Variants in DLEC1 observed in about 807,000 individuals in gnomAD.
The protein encoded by DLEC1 is deleted in lung and esophageal cancer protein 1.
A neutral mutation model predicts 198.1 loss-of-function variants in DLEC1; 146 were observed. The observed-to-expected ratio is 0.74, with a 90% CI of 0.64 to 0.85. The LOEUF is 0.85. Ranked by LOEUF, DLEC1 falls within the 40% of genes least tolerant of loss-of-function variation. The pLI is 0.00. For missense variants in DLEC1, 2,233 were observed against 2,220.0 expected (o/e 1.01, Z -0.12); for synonymous variants, 897 against 866.8 (o/e 1.03, Z -0.61).
rs1054728829 is a variant in DLEC1, at chr3:38,121,839, A to T, written c.5020+58A>T. On this transcript the variant is annotated intron_variant, in intron 35 of 36. Transcript: ENST00000308059. ...CCCTACAGGGCTGTGCCAAGAGAAG[A>T]CCCCCCAGGAAGGGGCCCCTGTGCG... The T allele has an allele frequency of 5.7e-6, 9 of 1,582,050 alleles. No individual in the cohort carries two copies. The Admixed American group carries it at 1.4e-4, about 25-fold the overall frequency.
intron 2 of DLEC1, among the ~76,000 whole-genome samples, chr3:38,051,123 A>G (rs1701095889): frequency 6.6e-6 from 1 of 151,382 alleles, no homozygotes; most frequent in South Asian, 2.1e-4. Flanking sequence ...CTGGTCTTGA[A>G]CTCCTGGGCT....
chr3:38,121,898 C>G (rs1212136858), intron 35 of DLEC1, 117 bp downstream of exon 35: 2 of 1,514,770 alleles, frequency 1.3e-6, no homozygotes, highest in Non-Finnish European at 8.9e-7. Flanking sequence ...GGGCAGGCAC[C>G]ACTTGGAATT....
chr3:38,108,276 G>A (rs1699673569), intron 20 of DLEC1, 129 bp from the exon 21 acceptor site: 1 of 721,658 alleles, frequency 1.4e-6, no homozygotes, highest in Admixed American at 2.2e-5. Context: ...ACCCAGCCCT[G>A]TCGGTTTTGC....
intron 6 of DLEC1, among the ~76,000 whole-genome samples, chr3:38,082,416 T>A (rs1698094433): frequency 1.3e-5 from 2 of 151,490 alleles, no homozygotes; most frequent in South Asian, 2.1e-4. Flanking sequence ...GAGGCTGCAA[T>A]CTCGGCACTT....
chr3:38,115,149 C>T (rs1429534394), intron 27 of DLEC1, 96 bp downstream of exon 27: 9 of 1,386,222 alleles, frequency 6.5e-6, no homozygotes, highest in African/African-American at 5.7e-5. Context: ...GCCGATGGCC[C>T]ATGAACAGGA....
At chr3:38,087,207 C>G (rs376116227) in intron 9 of DLEC1, among the ~76,000 whole-genome samples, 3 of 152,210 alleles carry the variant, frequency 2.0e-5, no homozygotes, top group African/African-American at 7.2e-5. Flanking sequence ...GCCCTGTGTA[C>G]CTTGTCCTGA....
intron 5 of DLEC1, 139 bp from the exon 6 acceptor site, chr3:38,063,702 A>C: frequency 1.6e-6 from 1 of 606,994 alleles, no homozygotes; most frequent in Non-Finnish European, 2.9e-6. Context: ...AAGATCCAAA[A>C]ACCCCCCAAC....
At chr3:38,084,475 TGGTGGTAGTA>T (rs1698289462) in intron 7 of DLEC1, among the ~76,000 whole-genome samples, 1 of 151,634 alleles carries the variant, frequency 6.6e-6, no homozygotes. Context: ...GTAGTGGTGG[TGGTGGTAGTA>T]GTGGTGGTAG....
Position 38,093,872 on chromosome 3 carries a change from G to A in DLEC1, c.1919+105G>A. 1.5e-5 allele frequency: 21 copies of A among 1,442,752 alleles called. No homozygotes were observed. The South Asian group carries it at 2.5e-4, about 17-fold the overall frequency. 89.4% of individuals were successfully genotyped at this position (1,442,752 alleles called of 1,614,324 possible). On this transcript the variant is annotated intron_variant, in intron 12 of 36. Coordinates refer to ENST00000308059, the MANE Select transcript of DLEC1 (RefSeq NM_007335.4). ...TCCTTCCAAGGGCCTGGGGAAGACT[G>A]GGCACAGAATGGATATCCAAATTCA... is the stretch of plus-strand genomic sequence containing the variant.
chr3:38,063,477 G>A (rs1410118957), intron 5 of DLEC1, among the ~76,000 whole-genome samples: 3 of 151,620 alleles, frequency 2.0e-5, no homozygotes, highest in Non-Finnish European at 4.4e-5. Context: ...GAAAATAGAA[G>A]AGAAGAGAAG....
At chr3:38,114,908 A>C in intron 26 of DLEC1, 75 bp from the exon 27 acceptor site, 1 of 1,356,724 alleles carries the variant, frequency 7.4e-7, no homozygotes, top group Non-Finnish European at 1.0e-6. Context: ...CTGAGCCCCC[A>C]GTCCCAGCCC....
intron 6 of DLEC1, among the ~76,000 whole-genome samples, chr3:38,079,137 A>G (rs1288920395): frequency 6.6e-6 from 1 of 152,090 alleles, no homozygotes; most frequent in Non-Finnish European, 1.5e-5. Context: ...GGGGGAATAC[A>G]AGAGGAGGGC....
intron 6 of DLEC1, among the ~76,000 whole-genome samples, chr3:38,076,325 C>A (rs932789341): frequency 5.9e-5 from 9 of 152,052 alleles, no homozygotes; most frequent in Non-Finnish European, 1.3e-4. Flanking sequence ...ACCAAACAGG[C>A]TTTGTGTGAG....
At chr3:38,064,363 G>T (rs918118010) in intron 6 of DLEC1, among the ~76,000 whole-genome samples, 2 of 152,190 alleles carry the variant, frequency 1.3e-5, no homozygotes, top group East Asian at 3.8e-4. Context: ...CAAGGCAGAA[G>T]AATTTTTCTT....
In DLEC1 at chr3:38,072,246, G is replaced by A. The variant is rs576958706; in HGVS notation, c.1173+8327G>A. ...TGAGTGTAGCTGAAGGAGCCGGGGA[G>A]CAGAAAGTATATGCGTCAGGTGTGA... On this transcript the variant is annotated intron_variant, in intron 6 of 36. Transcript: ENST00000308059. 4.6e-5 allele frequency among the ~76,000 whole-genome samples: 7 copies of A among 152,292 alleles called. No individual in the cohort carries two copies. In the South Asian group the frequency reaches 8.3e-4, roughly 18 times the overall value.
At chr3:38,097,137 A>G (rs1373112111) in intron 15 of DLEC1, 45 bp from the exon 16 acceptor site, 1 of 1,491,524 alleles carries the variant, frequency 6.7e-7, no homozygotes, top group Admixed American at 2.0e-5. Flanking sequence ...CAGAATTGAC[A>G]TGAAGGGGCA....
intron 13 of DLEC1, 137 bp downstream of exon 13, chr3:38,095,208 G>A (rs1698948788): frequency 8.9e-7 from 1 of 1,117,980 alleles, no homozygotes; most frequent in Non-Finnish European, 1.3e-6. Context: ...ACTTGGCTGA[G>A]TTGGGTTGGA....
chr3:38,123,180 C>T lies in DLEC1; in HGVS notation c.*768C>T. Reference sequence around the variant, plus strand: ...GGCACCCACCAAATTACCTCCAGACCAGGCTGACCCAGAAGGACGTCATGG... The same window carrying T: ...GGCACCCACCAAATTACCTCCAGACTAGGCTGACCCAGAAGGACGTCATGG... On this transcript the variant is annotated 3_prime_UTR_variant, in exon 37 of 37. Coordinates refer to ENST00000308059, the MANE Select transcript of DLEC1 (RefSeq NM_007335.4). 8 of 1,530,140 alleles carry T rather than the reference C, an allele frequency of 5.2e-6. No homozygotes were observed. Among genetic ancestry groups the T allele is most frequent in the Non-Finnish European group, 7.2e-6 (8 of 1,104,350 alleles). 94.8% of individuals were successfully genotyped at this position (1,530,140 alleles called of 1,614,324 possible). A position where few individuals can be genotyped will look rare whatever the true frequency, so the allele number is the denominator to read the frequency against.
chr3:38,108,238 G>C (rs1199327830), intron 20 of DLEC1, among the ~76,000 whole-genome samples, 167 bp from the exon 21 acceptor site: 1 of 152,234 alleles, frequency 6.6e-6, no homozygotes, highest in African/African-American at 2.4e-5. Context: ...GAGGAGAAGG[G>C]ACCCGTGGTT....
Sources: gnomAD v4.1 joint callset for allele counts (sites outside exome capture counted in the v4.1 genomes callset) on GRCh38, gnomAD v4.1.1 for gene constraint, MANE v1.5 for transcripts, NCBI Gene and HGNC (gene_info 2026-07-23, HGNC 2026-07-21) for gene names.